Variants in SLC4A4 observed in about 807,000 individuals in gnomAD.
SLC4A4 encodes the protein electrogenic sodium bicarbonate cotransporter 1.
SLC4A4 carries 27 observed loss-of-function variants against 111.5 expected under a neutral mutation model. The observed-to-expected ratio is 0.24, with a 90% CI of 0.18 to 0.33. The LOEUF (loss-of-function observed/expected upper bound fraction) is 0.33, where lower values mean the gene tolerates loss of function less well. Among genes scored for constraint, SLC4A4 ranks in the 10% least tolerant of loss-of-function variants. The pLI is 1.00. For synonymous variants in SLC4A4, 443 were observed against 463.4 expected (o/e 0.96, Z 0.57); for missense variants, 909 against 1,315.5 (o/e 0.69, Z 4.78).
At chr4:71,278,849 A>C (rs1723281324) in intron 3 of SLC4A4, among the ~76,000 whole-genome samples, 1 of 152,162 alleles carries the variant, frequency 6.6e-6, no homozygotes, top group Non-Finnish European at 1.5e-5. Flanking sequence ...AGTTCCTAAT[A>C]TGTTTTGGAC....
intron 4 of SLC4A4, among the ~76,000 whole-genome samples, chr4:71,349,055 T>C (rs1216424823): frequency 4.6e-5 from 7 of 152,200 alleles, no homozygotes; most frequent in Non-Finnish European, 8.8e-5. Flanking sequence ...GTGTAGGAAG[T>C]GTCTGTGTAA....
chr4:71,161,419 G>A (rs544681064), intron 2 of SLC4A4, among the ~76,000 whole-genome samples: 200 of 152,266 alleles, frequency 1.3e-3, no homozygotes, highest in African/African-American at 4.2e-3. Context: ...CAAGAAAGTC[G>A]TCTCCAGTTG....
chr4:71,111,688 C>G (rs1193892744), intron 2 of SLC4A4, among the ~76,000 whole-genome samples: 1 of 144,822 alleles, frequency 6.9e-6, no homozygotes, highest in Non-Finnish European at 1.5e-5. Context: ...TGCCTGGCCG[C>G]TAAATTTCTT....
intron 3 of SLC4A4, among the ~76,000 whole-genome samples, chr4:71,313,511 A>T (rs1294999404): frequency 6.6e-6 from 1 of 152,224 alleles, no homozygotes; most frequent in African/African-American, 2.4e-5. Context: ...GCATCATGCT[A>T]CCTGACTTCA....
At chr4:71,341,947 G>A (rs1728934816) in intron 4 of SLC4A4, among the ~76,000 whole-genome samples, 1 of 152,092 alleles carries the variant, frequency 6.6e-6, no homozygotes, top group African/African-American at 2.4e-5. Context: ...AGCCCCAACA[G>A]TAGTATTAGG....
intron 6 of SLC4A4, among the ~76,000 whole-genome samples, chr4:71,364,932 A>G (rs1731111914): frequency 6.6e-6 from 1 of 152,128 alleles, no homozygotes; most frequent in Non-Finnish European, 1.5e-5. Context: ...TTGGAGTTTT[A>G]TTTTTAAAAT....
chr4:71,342,237 A>T (rs763333922), intron 4 of SLC4A4, among the ~76,000 whole-genome samples: 1 of 152,336 alleles, frequency 6.6e-6, no homozygotes, highest in Non-Finnish European at 1.5e-5. Flanking sequence ...TATAGAAAAA[A>T]ATCCTCTGTA....
At chr4:71,538,779 T>C (rs980602760) in intron 18 of SLC4A4, among the ~76,000 whole-genome samples, 3 of 152,038 alleles carry the variant, frequency 2.0e-5, no homozygotes, top group East Asian at 3.9e-4. Context: ...AGTATTGATG[T>C]AGGAACGCCA....
intron 3 of SLC4A4, among the ~76,000 whole-genome samples, chr4:71,283,628 C>G (rs1259870447): frequency 6.6e-6 from 1 of 152,180 alleles, no homozygotes. Flanking sequence ...TCTCCACTTT[C>G]TTTCCTTAAG....
chr4:71,410,168 T>A (rs1721242526), intron 7 of SLC4A4, among the ~76,000 whole-genome samples: 1 of 151,922 alleles, frequency 6.6e-6, no homozygotes. Context: ...CCACACTGAG[T>A]CCCTACTGAA....
chr4:71,188,853 A>T (rs1043760782), intron 1 of SLC4A4, among the ~76,000 whole-genome samples: 4 of 152,224 alleles, frequency 2.6e-5, no homozygotes, highest in Non-Finnish European at 5.9e-5. Flanking sequence ...CATTCAAAGG[A>T]AGTGTGCCTG....
chr4:71,466,493 G>C lies in SLC4A4; in HGVS notation c.1547G>C (p.Cys516Ser). 1 of 1,613,684 alleles carries C rather than the reference G, an allele frequency of 6.2e-7. No individual in the cohort carries two copies. Among genetic ancestry groups the C allele is most frequent in the Non-Finnish European group, 8.5e-7 (1 of 1,179,724 alleles). The part of the protein sequence containing the change: ...LGTAVSGAIF[C>S]LFAGQPLTIL... Reference sequence around the variant, plus strand: ...ACTGCTGTCTCTGGAGCCATCTTTTGCCTTTTTGCTGGTCAACCACTCACT... The same window carrying C: ...ACTGCTGTCTCTGGAGCCATCTTTTCCCTTTTTGCTGGTCAACCACTCACT... The change falls in exon 13 of 26, where the codon TGC becomes TCC. Residue 516 changes from cysteine (C) to serine (S), a missense_variant. Physicochemically the swap from Cys to Ser is moderately radical, Grantham distance 112. Transcript: ENST00000264485.
chr4:71,330,069 G>A lies in SLC4A4; in HGVS notation c.254-9301G>A, dbSNP rs1178597735. 5.3e-5 allele frequency among the ~76,000 whole-genome samples: 8 copies of A among 152,040 alleles called. No homozygotes were observed. The East Asian group carries it at 1.5e-3, about 29-fold the overall frequency. On this transcript the variant is annotated intron_variant, in intron 3 of 25. Transcript: ENST00000264485. The stretch of plus-strand genomic sequence containing the variant: ...TTTTTCAGCATCAATTGAAATGATC[G>A]TATGGTTTTTGTCCTTCATTCTGTT...
chr4:71,077,081 AAT>A (rs139830530), intron 1 of SLC4A4, among the ~76,000 whole-genome samples: 16,391 of 147,968 alleles, frequency 0.11, 1,344 homozygotes, highest in African/African-American at 0.23. Flanking sequence ...TATATACATA[AAT>A]ATATATATAT....
At chr4:71,428,835 T>C (rs1723385242) in intron 7 of SLC4A4, among the ~76,000 whole-genome samples, 1 of 151,924 alleles carries the variant, frequency 6.6e-6, no homozygotes, top group Non-Finnish European at 1.5e-5. Flanking sequence ...TAGAATGAGA[T>C]AGCAATGGGT....
chr4:71,336,171 G>C (rs1486025704), intron 3 of SLC4A4, among the ~76,000 whole-genome samples: 1 of 152,096 alleles, frequency 6.6e-6, no homozygotes, highest in Admixed American at 6.5e-5. Context: ...ATAGAAAAGT[G>C]AACATAAGAA....
intron 1 of SLC4A4, among the ~76,000 whole-genome samples, chr4:71,084,805 T>C (rs1742109484): frequency 6.6e-6 from 1 of 152,088 alleles, no homozygotes; most frequent in African/African-American, 2.4e-5. Flanking sequence ...AGTCTACTAT[T>C]GATGGACATT....
chr4:71,231,634 C>G (rs1272775519), intron 1 of SLC4A4, among the ~76,000 whole-genome samples: 1 of 152,190 alleles, frequency 6.6e-6, no homozygotes, highest in African/African-American at 2.4e-5. Flanking sequence ...TGGTGTGACC[C>G]TTATCCCCGT....
At chr4:71,473,093 A>G (rs1000855760) in intron 14 of SLC4A4, 123 bp downstream of exon 14, 2 of 1,113,386 alleles carry the variant, frequency 1.8e-6, no homozygotes, top group African/African-American at 3.1e-5. Flanking sequence ...TTTTTCTCTG[A>G]AAAACTCTGC....
Sources: gnomAD v4.1 joint callset for allele counts (sites outside exome capture counted in the v4.1 genomes callset) on GRCh38, gnomAD v4.1.1 for gene constraint, MANE v1.5 for transcripts, NCBI Gene and HGNC (gene_info 2026-07-23, HGNC 2026-07-21) for gene names.